The following ADAMTSL1 variants were observed in gnomAD, a reference collection of about 807,000 sequenced individuals.
The protein encoded by ADAMTSL1 is ADAMTS like 1.
ADAMTSL1 carries 126 observed loss-of-function variants against 201.8 expected under a neutral mutation model. The observed-to-expected ratio is 0.62, with a 90% confidence interval of 0.54 to 0.72. ADAMTSL1 has a LOEUF of 0.72. Among genes scored for constraint, ADAMTSL1 ranks in the 30% least tolerant of loss-of-function variants. The pLI is 0.00. For synonymous variants in ADAMTSL1, 1,121 were observed against 903.4 expected (o/e 1.24, Z -4.32); for missense variants, 2,679 against 2,277.8 (o/e 1.18, Z -3.59).
chr9:17,942,325 T>C (rs897621515), intron 1 of ADAMTSL1, among the ~76,000 whole-genome samples: 3 of 152,190 alleles, frequency 2.0e-5, no homozygotes, highest in Non-Finnish European at 4.4e-5. Flanking sequence ...ATATACCTCA[T>C]GAAAGTACTG....
At chr9:18,414,329 A>C (rs1056749476) in intron 2 of ADAMTSL1, among the ~76,000 whole-genome samples, 2 of 152,252 alleles carry the variant, frequency 1.3e-5, no homozygotes. Flanking sequence ...GTAATCTTTT[A>C]ACAAATGAGA....
At chr9:18,133,366 A>G (rs1349015854) in intron 1 of ADAMTSL1, among the ~76,000 whole-genome samples, 2 of 152,152 alleles carry the variant, frequency 1.3e-5, no homozygotes, top group Non-Finnish European at 2.9e-5. Flanking sequence ...ATCCCTCTGT[A>G]TCTCCTGCCT....
chr9:18,779,024 G>A (rs1821226525), intron 19 of ADAMTSL1, among the ~76,000 whole-genome samples: 1 of 152,220 alleles, frequency 6.6e-6, no homozygotes, highest in South Asian at 2.1e-4. Context: ...AGGAAGGAAA[G>A]AAGCCAGCAT....
At chr9:18,020,321 T>A (rs964427501) in intron 1 of ADAMTSL1, among the ~76,000 whole-genome samples, 3 of 152,078 alleles carry the variant, frequency 2.0e-5, no homozygotes, top group African/African-American at 7.2e-5. Flanking sequence ...GCAAAAGCGA[T>A]GGGATGTTAC....
At chr9:18,275,128 T>C (rs1832536736) in intron 2 of ADAMTSL1, among the ~76,000 whole-genome samples, 1 of 152,166 alleles carries the variant, frequency 6.6e-6, no homozygotes, top group South Asian at 2.1e-4. Flanking sequence ...GAAAGAGCCA[T>C]ACAATTCAAT....
At chr9:18,165,674 G>C (rs1335108748) in intron 2 of ADAMTSL1, among the ~76,000 whole-genome samples, 1 of 151,872 alleles carries the variant, frequency 6.6e-6, no homozygotes, top group African/African-American at 2.4e-5. Flanking sequence ...ACAAGAAAAA[G>C]AGGGGAAAAC....
chr9:18,521,463 A>T (rs56035166), intron 2 of ADAMTSL1, among the ~76,000 whole-genome samples: 37,852 of 151,544 alleles, frequency 0.25, 5,345 homozygotes, highest in Admixed American at 0.35. Flanking sequence ...TTAAAAATTT[A>T]AAAAAAGCAT....
intron 1 of ADAMTSL1, among the ~76,000 whole-genome samples, chr9:17,950,252 CAGAA>C (rs1563915118): frequency 6.6e-6 from 1 of 151,952 alleles, no homozygotes; most frequent in Admixed American, 6.6e-5. Context: ...TATTTAAAAA[CAGAA>C]AGGAAAAACC....
chr9:18,844,549 AC>A (rs1825961280), intron 23 of ADAMTSL1, among the ~76,000 whole-genome samples: 1 of 152,178 alleles, frequency 6.6e-6, no homozygotes, highest in Non-Finnish European at 1.5e-5. Flanking sequence ...TGCTGGGAGA[AC>A]CACTGCTCTC....
chr9:18,840,758 T>A (rs1825663980), intron 23 of ADAMTSL1, among the ~76,000 whole-genome samples: 2 of 150,694 alleles, frequency 1.3e-5, no homozygotes, highest in African/African-American at 2.4e-5. Context: ...TCACATCCCT[T>A]GTAAGTTGGA....
intron 2 of ADAMTSL1, among the ~76,000 whole-genome samples, chr9:18,186,532 G>A (rs746968860): frequency 4.1e-4 from 62 of 152,062 alleles, no homozygotes; most frequent in Non-Finnish European, 7.2e-4. Context: ...GAATGGGTAT[G>A]TAATGCCCCA....
chr9:17,915,002 G>A (rs867037946), intron 1 of ADAMTSL1, among the ~76,000 whole-genome samples: 1 of 151,436 alleles, frequency 6.6e-6, no homozygotes, highest in African/African-American at 2.4e-5. Context: ...TAATAATTTT[G>A]CATTGTTAAA....
rs562483471 is a variant in ADAMTSL1 at position 18,267,262 on chromosome 9, C to T, written c.207+103281C>T. On this transcript the variant is annotated intron_variant, in intron 2 of 29. Transcript: ENST00000680146. Reference sequence around the variant, plus strand: ...AGAGGCAATATAGTCAGTCATGCAACGATTTCTTACTTCATAGTATGAGTA... The same window carrying T: ...AGAGGCAATATAGTCAGTCATGCAATGATTTCTTACTTCATAGTATGAGTA... Among the ~76,000 whole-genome samples, 51 of 152,188 alleles carry T rather than the reference C, an allele frequency of 3.4e-4. No individual in the cohort carries two copies. In the Middle Eastern group the frequency reaches 0.01, roughly 30 times the overall value.
chr9:18,445,884 T>A (rs1353658096), intron 2 of ADAMTSL1, among the ~76,000 whole-genome samples: 1 of 152,206 alleles, frequency 6.6e-6, no homozygotes, highest in African/African-American at 2.4e-5. Context: ...GTAGTGACTA[T>A]ATGCACAATA....
At chr9:18,778,716 C>T (rs1005880516) in intron 19 of ADAMTSL1, among the ~76,000 whole-genome samples, 5 of 152,138 alleles carry the variant, frequency 3.3e-5, no homozygotes, top group African/African-American at 1.2e-4. Flanking sequence ...TGTGTTTTAT[C>T]TCACTGAATA....
chr9:18,761,407 T>C (rs1160699095), intron 16 of ADAMTSL1, among the ~76,000 whole-genome samples: 1 of 152,204 alleles, frequency 6.6e-6, no homozygotes, highest in African/African-American at 2.4e-5. Flanking sequence ...TTACTTTTCT[T>C]ATAAAACGAA....
intron 1 of ADAMTSL1, among the ~76,000 whole-genome samples, chr9:18,476,146 G>A (rs939101253): frequency 2.6e-5 from 4 of 152,152 alleles, no homozygotes; most frequent in Non-Finnish European, 4.4e-5. Flanking sequence ...AGGAAGAACT[G>A]ACTGATGTTT....
chr9:18,863,519 G>A (rs890928533), intron 23 of ADAMTSL1, among the ~76,000 whole-genome samples: 1 of 152,204 alleles, frequency 6.6e-6, no homozygotes, highest in African/African-American at 2.4e-5. Flanking sequence ...TATTTGACCA[G>A]CTTATTGGGA....
intron 2 of ADAMTSL1, among the ~76,000 whole-genome samples, chr9:18,467,027 A>T (rs1038123972): frequency 2.0e-4 from 30 of 152,116 alleles, no homozygotes; most frequent in African/African-American, 7.2e-4. Context: ...TGAATATCTC[A>T]TATGTTAATA....
Sources: allele counts gnomAD v4.1 joint callset (sites outside exome capture counted in the v4.1 genomes callset), GRCh38; gene constraint gnomAD v4.1.1; transcripts MANE v1.5; gene names NCBI Gene and HGNC (gene_info 2026-07-23, HGNC 2026-07-21).